The following BCL7C variants were observed in gnomAD, a reference collection of about 807,000 sequenced individuals.
The protein encoded by BCL7C is B-cell CLL/lymphoma 7 protein family member C.
A neutral mutation model predicts 26.2 loss-of-function variants in BCL7C; 8 were observed. The observed-to-expected ratio is 0.30, with a 90% CI of 0.18 to 0.55. The LOEUF (loss-of-function observed/expected upper bound fraction) is 0.55. Ranked by LOEUF, BCL7C falls within the 20% of genes least tolerant of loss-of-function variation. The pLI is 0.93. For synonymous variants in BCL7C, 90 were observed against 116.5 expected, an observed-to-expected ratio of 0.77 and a Z score of 1.47; for missense variants, 262 against 298.5, an observed-to-expected ratio of 0.88 and a Z score of 0.90.
intron 5 of BCL7C, among the ~76,000 whole-genome samples, chr16:30,864,356 CCTT>C (rs1485602028): frequency 2.0e-5 from 3 of 152,084 alleles, no homozygotes; most frequent in Non-Finnish European, 4.4e-5. Flanking sequence ...CTATTTTTCT[CCTT>C]CTTTTATTCA....
At chr16:30,845,536 G>A (rs2054628770) in intron 5 of BCL7C, among the ~76,000 whole-genome samples, 1 of 152,188 alleles carries the variant, frequency 6.6e-6, no homozygotes, top group Admixed American at 6.5e-5. Flanking sequence ...TGATACCCCA[G>A]AGGGCAGATT....
At chr16:30,888,084 C>T (rs559223515) in intron 5 of BCL7C, 94 bp from the exon 6 acceptor site, 4 of 1,366,314 alleles carry the variant, frequency 2.9e-6, no homozygotes, top group Non-Finnish European at 4.0e-6. Context: ...CTCCCCTCCC[C>T]TCCTGGGCCC....
At chr16:30,861,097 G>A (rs1038195791) in intron 5 of BCL7C, among the ~76,000 whole-genome samples, 39 of 151,972 alleles carry the variant, frequency 2.6e-4, no homozygotes, top group African/African-American at 8.0e-4. Flanking sequence ...TAGCGTTTAG[G>A]CTCTTTTTCA....
intron 5 of BCL7C, among the ~76,000 whole-genome samples, chr16:30,855,387 T>C (rs1870112975): frequency 6.6e-6 from 1 of 152,048 alleles, no homozygotes; most frequent in African/African-American, 2.4e-5. Flanking sequence ...TACAGGCGTG[T>C]GCCCACCACC....
chr16:30,869,614 G>A (rs1352229946), intron 5 of BCL7C, among the ~76,000 whole-genome samples: 1 of 151,648 alleles, frequency 6.6e-6, no homozygotes, highest in African/African-American at 2.4e-5. Flanking sequence ...TGGGCTCAAG[G>A]CATCCTCCTG....
At chr16:30,887,714 A>C (rs2055156027), downstream of BCL7C, 1 of 1,290,054 alleles carries the variant, frequency 7.8e-7, no homozygotes, top group Non-Finnish European at 1.0e-6. Context: ...CTCAGTGACC[A>C]CATCTGAGCA....
At chr16:30,881,066 G>GA (rs1291962416) in intron 5 of BCL7C, among the ~76,000 whole-genome samples, 8 of 152,030 alleles carry the variant, frequency 5.3e-5, no homozygotes, top group Non-Finnish European at 8.8e-5. Context: ...AAAGACGGGG[G>GA]AAAAAACCTG....
intron 5 of BCL7C, among the ~76,000 whole-genome samples, chr16:30,854,308 C>G (rs1001078360): frequency 6.6e-6 from 1 of 152,206 alleles, no homozygotes; most frequent in African/African-American, 2.4e-5. Context: ...CTGCATTTCT[C>G]TGGCAAAACA....
downstream of BCL7C, among the ~76,000 whole-genome samples, chr16:30,887,566 G>A (rs1017108238): frequency 3.3e-5 from 5 of 152,010 alleles, no homozygotes; most frequent in Non-Finnish European, 4.4e-5. Context: ...GCAGGAAGAG[G>A]GGTCCTGGGC....
chr16:30,850,071 A>G (rs577029959), intron 5 of BCL7C, among the ~76,000 whole-genome samples: 89 of 152,062 alleles, frequency 5.9e-4, no homozygotes, highest in Admixed American at 2.2e-3. Flanking sequence ...TCAGCTGGGC[A>G]TGGTGGCAGG....
rs2055290178 is a variant in BCL7C, at chr16:30,893,438, AAG to A, written c.93-150_93-149del. 1.6e-6 allele frequency: 1 copy of A among 625,892 alleles called. No individual in the cohort carries two copies. The allele number at this position is 625,892 out of a possible 1,614,324, so 38.8% of individuals were successfully genotyped here. A position where few individuals can be genotyped will look rare whatever the true frequency, so the allele number is the denominator to read the frequency against. ...CTAATGGGGCATAGTTACATGGAGG[AAG>A]AGAGTCCTGCAAACCCCAGGGCATA... On this transcript the variant is annotated intron_variant, in intron 1 of 5. Coordinates refer to ENST00000215115, the MANE Select transcript of BCL7C (RefSeq NM_004765.4). The surrounding 1 kb of genome is among the most constrained non-coding windows in gnomAD (Gnocchi z 5.2).
intron 5 of BCL7C, among the ~76,000 whole-genome samples, chr16:30,844,126 C>T (rs1395676415): frequency 2.0e-5 from 3 of 147,026 alleles, no homozygotes; most frequent in East Asian, 2.0e-4. Flanking sequence ...CCGAGGCAGG[C>T]GGATCACAAG....
rs751856538 is a variant in BCL7C at position 30,879,702 on chromosome 16, A to AAAAAAAAAAAAAC, written c.528+9157_528+9158insGTTTTTTTTTTTT. 1.1e-3 allele frequency among the ~76,000 whole-genome samples: 156 copies of AAAAAAAAAAAAAC among 145,446 alleles called. 9 individuals carry two copies. Among genetic ancestry groups the AAAAAAAAAAAAAC allele is most frequent in the Non-Finnish European group, 2.1e-3 (135 of 65,776 alleles). On this transcript the variant is annotated intron_variant, in intron 5 of 5. Coordinates refer to the BCL7C transcript ENST00000380317. Reference sequence around the variant, plus strand: ...TCCCCTTCTCTACAAAAAAAAAAAAAAAAAAAACTGGGCACGGTGGCTCAC... The same window carrying AAAAAAAAAAAAAC: ...TCCCCTTCTCTACAAAAAAAAAAAAAAAAAAAAAAAAACAAAAAAACTGGGCACGGTGGCTCAC...
chr16:30,834,971 T>C lies in BCL7C; in HGVS notation c.706A>G (p.Ile236Val). 2.6e-6 allele frequency: 4 copies of C among 1,544,490 alleles called. No individual in the cohort carries two copies. The highest frequency in any genetic ancestry group is 1.4e-5 in the African/African-American group (1 of 72,910). ...ACTCACCTCCCCTTACCCTGGGGGA[T>C]TGTTCTGGGTGCCCTCGGGGCCTTG... Residue 236 changes from isoleucine (I) to valine (V), a missense_variant, in exon 6 of 6, where the codon ATC becomes GTC. Ile to Val is a conservative substitution (Grantham distance 29). Coordinates refer to the BCL7C transcript ENST00000380317. This position sits in a 1 kb window ranked among gnomAD's most constrained non-coding sequence, Gnocchi z 4.3.
At chr16:30,861,183 C>T (rs2054769073) in intron 5 of BCL7C, among the ~76,000 whole-genome samples, 1 of 152,160 alleles carries the variant, frequency 6.6e-6, no homozygotes. Flanking sequence ...CTTTACTCGA[C>T]ATTAGAAAAA....
chr16:30,893,424 T>A lies in BCL7C; in HGVS notation c.93-134A>T, dbSNP rs533552348. On this transcript the variant is annotated intron_variant, in intron 1 of 5. Transcript: ENST00000215115. The surrounding 1 kb of genome is among the most constrained non-coding windows in gnomAD (Gnocchi z 5.2). Reference sequence around the variant, plus strand: ...TAGCAACAGTTTTGCTAATGGGGCATAGTTACATGGAGGAAGAGAGTCCTG... The same window carrying A: ...TAGCAACAGTTTTGCTAATGGGGCAAAGTTACATGGAGGAAGAGAGTCCTG... 182 of 647,124 alleles carry A rather than the reference T, an allele frequency of 2.8e-4. 1 individual carries two copies. In the African/African-American group the frequency reaches 3.2e-3, roughly 11 times the overall value. The allele number at this position is 647,124 out of a possible 1,614,324, so 40.1% of individuals were successfully genotyped here.
At chr16:30,870,334 TA>T (rs2054871834) in intron 5 of BCL7C, among the ~76,000 whole-genome samples, 2 of 151,794 alleles carry the variant, frequency 1.3e-5, no homozygotes, top group Admixed American at 6.6e-5. Context: ...CTGAAGTTCC[TA>T]AAAAAAAGGA....
downstream of BCL7C, among the ~76,000 whole-genome samples, chr16:30,885,479 G>A (rs1044746870): frequency 2.0e-5 from 3 of 150,414 alleles, no homozygotes; most frequent in African/African-American, 4.9e-5. Flanking sequence ...GTGCGATCTC[G>A]GCTTACTGCA....
Position 30,893,170 on chromosome 16 carries a change from G to A in BCL7C, c.171+42C>T. On this transcript the variant is annotated intron_variant, in intron 2 of 5. Coordinates refer to ENST00000215115, the MANE Select transcript of BCL7C (RefSeq NM_004765.4). This position sits in a 1 kb window ranked among gnomAD's most constrained non-coding sequence, Gnocchi z 5.2. ...CAGCGTGGGGAGGAACTTGCCTGAGGTTGCACAGATGCAGGGCCTTGTGGG... is the reference window on the plus strand; with the variant it reads ...CAGCGTGGGGAGGAACTTGCCTGAGATTGCACAGATGCAGGGCCTTGTGGG... 1 of 1,592,464 alleles carries A rather than the reference G, an allele frequency of 6.3e-7. No homozygotes were observed. The highest frequency in any genetic ancestry group is 8.6e-7 in the Non-Finnish European group (1 of 1,164,708).
Sources: gnomAD v4.1 joint callset for allele counts (sites outside exome capture counted in the v4.1 genomes callset) on GRCh38, gnomAD v4.1.1 for gene constraint, Gnocchi (gnomAD v3.1) non-coding constraint, MANE v1.5 for transcripts, NCBI Gene and HGNC (gene_info 2026-07-23, HGNC 2026-07-21) for gene names.